Variants in PAG1 observed in about 807,000 individuals in gnomAD.
PAG1 encodes the protein phosphoprotein membrane anchor with glycosphingolipid microdomains 1, also known as phosphoprotein associated with glycosphingolipid-enriched microdomains 1.
PAG1 carries 23 observed loss-of-function variants against 31.7 expected under a neutral mutation model. That is an observed-to-expected ratio of 0.73 (90% confidence interval 0.52 to 1.03). The LOEUF (loss-of-function observed/expected upper bound fraction) is 1.03, where lower values mean the gene tolerates loss of function less well. Ranked by LOEUF, PAG1 falls within the 50% of genes least tolerant of loss-of-function variation. The pLI, the probability that PAG1 is intolerant of heterozygous loss-of-function variation, is 0.00. For missense variants in PAG1, 473 were observed against 540.7 expected, an observed-to-expected ratio of 0.87 and a Z score of 1.24; for synonymous variants, 214 against 210.3, an observed-to-expected ratio of 1.02 and a Z score of -0.15.
At chr8:81,031,158 T>G (rs1315652894) in intron 2 of PAG1, among the ~76,000 whole-genome samples, 1 of 152,260 alleles carries the variant, frequency 6.6e-6, no homozygotes, top group Non-Finnish European at 1.5e-5. Flanking sequence ...TTATATTATC[T>G]TGAGGTATAT....
chr8:81,077,567 A>C (rs926977767), intron 1 of PAG1, among the ~76,000 whole-genome samples: 4 of 152,220 alleles, frequency 2.6e-5, no homozygotes, highest in Admixed American at 6.5e-5. Context: ...ACTTTTATCG[A>C]AAAAACATTA....
At chr8:81,111,294 A>C (rs1809769448) in intron 1 of PAG1, among the ~76,000 whole-genome samples, 1 of 152,182 alleles carries the variant, frequency 6.6e-6, no homozygotes. Context: ...ACCCCAACGT[A>C]AACACAGAGT....
chr8:81,098,456 C>G (rs1335949043), intron 1 of PAG1, among the ~76,000 whole-genome samples: 1 of 152,120 alleles, frequency 6.6e-6, no homozygotes, highest in East Asian at 1.9e-4. Flanking sequence ...ATTCTCCTCC[C>G]TGGTTTGACA....
chr8:81,051,106 T>C (rs1808720783), intron 2 of PAG1, among the ~76,000 whole-genome samples: 1 of 152,246 alleles, frequency 6.6e-6, no homozygotes, highest in African/African-American at 2.4e-5. Flanking sequence ...TCCATCCATC[T>C]GTAAGCTGTC....
intron 3 of PAG1, among the ~76,000 whole-genome samples, chr8:81,000,194 C>T (rs1360372582): frequency 6.6e-6 from 1 of 152,200 alleles, no homozygotes; most frequent in Non-Finnish European, 1.5e-5. Context: ...CTCCACCTCA[C>T]TTCCCACCAT....
chr8:81,048,007 C>T (rs2623023), intron 2 of PAG1, among the ~76,000 whole-genome samples: 108,361 of 152,158 alleles, frequency 0.71, 40,746 homozygotes, highest in Non-Finnish European at 0.84. Context: ...TCCGAAAGCT[C>T]CTTGGGTAAG....
At chr8:81,001,705 T>A (rs975843217) in intron 3 of PAG1, among the ~76,000 whole-genome samples, 2 of 152,182 alleles carry the variant, frequency 1.3e-5, no homozygotes, top group African/African-American at 4.8e-5. Flanking sequence ...TCATGACCCT[T>A]TGCGGTAGAT....
At chr8:81,027,781 T>C (rs1808307990) in intron 3 of PAG1, among the ~76,000 whole-genome samples, 1 of 151,868 alleles carries the variant, frequency 6.6e-6, no homozygotes. Context: ...GGCGGATGCC[T>C]GTAGTCCCAG....
chr8:81,106,752 G>A (rs1178828089), intron 1 of PAG1, among the ~76,000 whole-genome samples: 2 of 152,228 alleles, frequency 1.3e-5, no homozygotes, highest in East Asian at 1.9e-4. Flanking sequence ...AAAATATTAC[G>A]AGATGGTTTT....
intron 3 of PAG1, among the ~76,000 whole-genome samples, chr8:81,007,897 C>A (rs2130646002): frequency 6.6e-6 from 1 of 152,272 alleles, no homozygotes; most frequent in East Asian, 1.9e-4. Context: ...GGGGGAATCA[C>A]TGTGTGCTTA....
At chr8:81,095,383 A>G (rs1047585404) in intron 1 of PAG1, among the ~76,000 whole-genome samples, 2 of 152,176 alleles carry the variant, frequency 1.3e-5, no homozygotes, top group African/African-American at 2.4e-5. Flanking sequence ...TCCTAAATAT[A>G]AACCTGGCCA....
intron 3 of PAG1, among the ~76,000 whole-genome samples, chr8:81,006,960 A>G (rs558140739): frequency 6.6e-6 from 1 of 152,238 alleles, no homozygotes; most frequent in South Asian, 2.1e-4. Context: ...CTCTACCCCC[A>G]ATTTCCATTT....
At chr8:81,055,836 AT>A (rs1268351524) in intron 2 of PAG1, among the ~76,000 whole-genome samples, 1 of 152,234 alleles carries the variant, frequency 6.6e-6, no homozygotes, top group Non-Finnish European at 1.5e-5. Context: ...GAAATTGCTT[AT>A]CAGCTAAAGG....
At chr8:81,102,648 G>A (rs993966680) in intron 1 of PAG1, among the ~76,000 whole-genome samples, 1 of 152,094 alleles carries the variant, frequency 6.6e-6, no homozygotes, top group African/African-American at 2.4e-5. Context: ...TAATATTACT[G>A]TATATTAACA....
intron 1 of PAG1, among the ~76,000 whole-genome samples, chr8:81,093,618 T>C (rs980960739): frequency 2.0e-5 from 3 of 151,828 alleles, no homozygotes; most frequent in Non-Finnish European, 4.4e-5. Context: ...TTGTATGCCA[T>C]ACCCCCAGAT....
At chr8:81,104,113 C>T (rs190271854) in intron 1 of PAG1, among the ~76,000 whole-genome samples, 32 of 152,210 alleles carry the variant, frequency 2.1e-4, no homozygotes, top group Non-Finnish European at 3.5e-4. Context: ...CATGGTAGGT[C>T]TTAATATTTA....
Position 80,969,448 on chromosome 8 carries a change from T to G in PAG1, c.*7096A>C, listed in dbSNP as rs1807031479. On this transcript the variant is annotated 3_prime_UTR_variant, in exon 9 of 9. Coordinates refer to ENST00000220597, the MANE Select transcript of PAG1 (RefSeq NM_018440.4). ...CACTACCTAAATGAGGAGCTAAAGA[T>G]TAAAAAAAAAATTCTCTTTAAGCTT... The G allele has an allele frequency of 6.6e-6, 1 of 151,916 alleles. No individual in the cohort carries two copies. The highest frequency in any genetic ancestry group is 2.4e-5 in the African/African-American group (1 of 41,364). The allele number at this position is 151,916 out of a possible 1,614,324, so 9.4% of individuals were successfully genotyped here.
chr8:81,070,914 T>C (rs572899921), intron 1 of PAG1, among the ~76,000 whole-genome samples: 60 of 152,246 alleles, frequency 3.9e-4, no homozygotes, highest in African/African-American at 1.3e-3. Flanking sequence ...ATATGCTAAG[T>C]GGAAGTAAAA....
chr8:81,027,728 AC>A (rs1808306469), intron 3 of PAG1, among the ~76,000 whole-genome samples: 1 of 151,836 alleles, frequency 6.6e-6, no homozygotes, highest in Non-Finnish European at 1.5e-5. Flanking sequence ...ACATGGTGAA[AC>A]CCTGTCTCTA....
Sources: gnomAD v4.1 joint callset for allele counts (sites outside exome capture counted in the v4.1 genomes callset) on GRCh38, gnomAD v4.1.1 for gene constraint, MANE v1.5 for transcripts, NCBI Gene and HGNC (gene_info 2026-07-23, HGNC 2026-07-21) for gene names.